Variants in CYREN observed in about 807,000 individuals in gnomAD.
CYREN encodes the protein cell cycle regulator of non-homologous end joining.
A neutral mutation model predicts 9.7 loss-of-function variants in CYREN; 7 were observed. The observed-to-expected ratio is 0.72, with a 90% CI of 0.41 to 1.36. The LOEUF (loss-of-function observed/expected upper bound fraction) is 1.36, where lower values mean the gene tolerates loss of function less well. Among genes scored for constraint, CYREN ranks in the 40% most tolerant of loss-of-function variants. The probability of loss-of-function intolerance (pLI) is 0.01; values close to 1 mark genes in which losing one functional copy is unlikely to be tolerated. For missense variants in CYREN, 215 were observed against 198.1 expected, an observed-to-expected ratio of 1.09 and a Z score of -0.51; for synonymous variants, 76 against 77.9, an observed-to-expected ratio of 0.98 and a Z score of 0.13.
downstream of CYREN, among the ~76,000 whole-genome samples, chr7:135,163,674 A>C (rs1830006767): frequency 1.3e-5 from 2 of 152,196 alleles, no homozygotes; most frequent in Non-Finnish European, 2.9e-5. Flanking sequence ...AAAACGTCTA[A>C]GTTTTCTATA....
At chr7:135,095,028 A>G (rs1822452639) in intron 2 of CYREN, among the ~76,000 whole-genome samples, 1 of 152,176 alleles carries the variant, frequency 6.6e-6, no homozygotes, top group Admixed American at 6.5e-5. Context: ...GCAGTTCAAC[A>G]TGGAGTAAGT....
intron 2 of CYREN, among the ~76,000 whole-genome samples, chr7:135,160,659 C>T (rs1160346508): frequency 6.6e-6 from 1 of 151,746 alleles, no homozygotes; most frequent in African/African-American, 2.4e-5. Context: ...GGCAGCTCTG[C>T]TGTCCTAAGA....
At chr7:135,132,781 G>C (rs1441142076) in intron 2 of CYREN, among the ~76,000 whole-genome samples, 1 of 152,124 alleles carries the variant, frequency 6.6e-6, no homozygotes, top group Non-Finnish European at 1.5e-5. Context: ...CTTCCGCCAA[G>C]ATTGCGAGGC....
chr7:135,165,124 T>G, downstream of CYREN: 1 of 1,246,382 alleles, frequency 8.0e-7, no homozygotes, highest in Non-Finnish European at 1.1e-6. Context: ...ACAGAGGAGG[T>G]GGGGCCCCTG....
At chr7:135,135,009 G>A (rs752757788) in intron 2 of CYREN, 2 of 1,551,106 alleles carry the variant, frequency 1.3e-6, no homozygotes, top group East Asian at 2.4e-5. Context: ...AAGGCCCCAA[G>A]AAGAATAAAC....
chr7:135,163,280 G>C (rs1829994495), downstream of CYREN, among the ~76,000 whole-genome samples: 1 of 152,164 alleles, frequency 6.6e-6, no homozygotes, highest in Non-Finnish European at 1.5e-5. Flanking sequence ...AGAAAATATT[G>C]GTAGAATATT....
At chr7:135,164,531 C>G, downstream of CYREN, 1 of 1,614,160 alleles carries the variant, frequency 6.2e-7, no homozygotes, top group Middle Eastern at 1.6e-4. Flanking sequence ...TGATGTTTTA[C>G]GCTCTTCTCT....
chr7:135,101,859 A>G (rs1457029117), intron 2 of CYREN, among the ~76,000 whole-genome samples: 1 of 152,096 alleles, frequency 6.6e-6, no homozygotes, highest in Admixed American at 6.6e-5. Flanking sequence ...TGTGGGAGGG[A>G]TTCCATGAGA....
At chr7:135,158,345 C>T (rs546660741) in intron 2 of CYREN, among the ~76,000 whole-genome samples, 4 of 152,298 alleles carry the variant, frequency 2.6e-5, no homozygotes, top group South Asian at 4.1e-4. Flanking sequence ...TACAGCTGCA[C>T]CAGCCCAATC....
chr7:135,093,672 T>C (rs1822204823), exon 3 of CYREN: 1 of 152,198 alleles, frequency 6.6e-6, no homozygotes, highest in Non-Finnish European at 1.5e-5. Flanking sequence ...TATTGCTAGA[T>C]GGCAATACTC....
intron 2 of CYREN, among the ~76,000 whole-genome samples, chr7:135,141,547 T>C (rs1043168401): frequency 6.6e-6 from 1 of 152,132 alleles, no homozygotes; most frequent in Non-Finnish European, 1.5e-5. Context: ...GTGTCTCAGT[T>C]TCATTCAGTT....
intron 2 of CYREN, among the ~76,000 whole-genome samples, chr7:135,121,853 G>T (rs1282082090): frequency 6.6e-6 from 1 of 152,180 alleles, no homozygotes; most frequent in Non-Finnish European, 1.5e-5. Flanking sequence ...GTGAGTGAGT[G>T]TGCTACCCAG....
intron 2 of CYREN, chr7:135,152,674 T>C (rs1243966904): frequency 1.3e-5 from 2 of 152,226 alleles, no homozygotes; most frequent in Non-Finnish European, 2.9e-5. Flanking sequence ...CACCTTCCAC[T>C]GATCAAAGAG....
At chr7:135,139,139 T>C (rs1829407541) in intron 2 of CYREN, among the ~76,000 whole-genome samples, 1 of 152,094 alleles carries the variant, frequency 6.6e-6, no homozygotes. Flanking sequence ...CAGATGATAG[T>C]TGTGTTTTAA....
At chr7:135,147,999 C>G in intron 2 of CYREN, 1 of 455,904 alleles carries the variant, frequency 2.2e-6, no homozygotes, top group Non-Finnish European at 4.4e-6. Context: ...AAGTCATGGG[C>G]CACTGGCAAG....
intron 2 of CYREN, among the ~76,000 whole-genome samples, chr7:135,158,348 G>T (rs1829846740): frequency 6.6e-6 from 1 of 152,246 alleles, no homozygotes; most frequent in African/African-American, 2.4e-5. Flanking sequence ...AGCTGCACCA[G>T]CCCAATCTCA....
rs1197078340 is a variant in CYREN, at chr7:135,166,715, G to A, written c.370C>T (p.Pro124Ser). ...GKQALAPGLS[P>S]SQRPGGSSSA... ...CTGGAACCCCCCGGCCTCTGGGAAG[G>A]GCTGAGGCCTGGAGCCAGTGCCTGT... Residue 124 changes from proline (P) to serine (S), a missense_variant, in exon 4 of 4, where the codon CCT becomes TCT. Transcript: ENST00000393114. The A allele has an allele frequency of 6.2e-7, 1 of 1,613,670 alleles. No homozygotes were observed. The highest frequency in any genetic ancestry group is 1.7e-5 in the Admixed American group (1 of 60,024).
intron 2 of CYREN, among the ~76,000 whole-genome samples, chr7:135,138,063 CT>C (rs1829388202): frequency 6.6e-6 from 1 of 151,908 alleles, no homozygotes; most frequent in African/African-American, 2.4e-5. Context: ...CAACCGCTGA[CT>C]ACAGTTCTGT....
chr7:135,163,032 G>A (rs560599587), downstream of CYREN, among the ~76,000 whole-genome samples: 3 of 152,218 alleles, frequency 2.0e-5, no homozygotes, highest in South Asian at 4.1e-4. Context: ...CTTATAGGTA[G>A]ATCACCTGAG....
Sources: gnomAD v4.1 joint callset for allele counts (sites outside exome capture counted in the v4.1 genomes callset) on GRCh38, gnomAD v4.1.1 for gene constraint, MANE v1.5 for transcripts, NCBI Gene and HGNC (gene_info 2026-07-23, HGNC 2026-07-21) for gene names.